The following ATRNL1 variants were observed in gnomAD, a reference collection of about 807,000 sequenced individuals.
The protein encoded by ATRNL1 is attractin like 1, also known as attractin-like protein 1.
A neutral mutation model predicts 182.7 loss-of-function variants in ATRNL1; 95 were observed. That is an observed-to-expected ratio of 0.52 (90% confidence interval 0.44 to 0.62). The LOEUF is 0.62. ATRNL1 is among the 20% of genes least tolerant of loss of function. The probability of loss-of-function intolerance (pLI) is 0.00; values close to 1 mark genes in which losing one functional copy is unlikely to be tolerated. For synonymous variants in ATRNL1, 576 were observed against 568.3 expected (o/e 1.01, Z -0.19); for missense variants, 1,471 against 1,679.5 (o/e 0.88, Z 2.17).
intron 26 of ATRNL1, among the ~76,000 whole-genome samples, chr10:115,697,006 A>G (rs1049256996): frequency 2.6e-5 from 4 of 151,948 alleles, no homozygotes; most frequent in Non-Finnish European, 4.4e-5. Flanking sequence ...CCATGATCCA[A>G]TCACCTCCCA....
intron 19 of ATRNL1, among the ~76,000 whole-genome samples, chr10:115,360,248 GAAT>G (rs1190442969): frequency 6.6e-6 from 1 of 151,622 alleles, no homozygotes; most frequent in Non-Finnish European, 1.5e-5. Flanking sequence ...CAAGTCAAAA[GAAT>G]AAAAATGCAT....
chr10:115,597,193 T>C (rs1326765417), intron 26 of ATRNL1, among the ~76,000 whole-genome samples: 4 of 152,184 alleles, frequency 2.6e-5, no homozygotes, highest in Non-Finnish European at 5.9e-5. Flanking sequence ...AATTTTTTCC[T>C]CAGTAGACGA....
intron 20 of ATRNL1, among the ~76,000 whole-genome samples, chr10:115,425,930 T>C (rs1554962787): frequency 6.6e-6 from 1 of 152,104 alleles, no homozygotes. Flanking sequence ...TCACTTCTTC[T>C]GTTTATTAAG....
chr10:115,148,707 G>C (rs997492175), intron 5 of ATRNL1, among the ~76,000 whole-genome samples: 17 of 150,912 alleles, frequency 1.1e-4, no homozygotes, highest in African/African-American at 3.4e-4. Context: ...AGAGAGAGTG[G>C]TGTTCCGAAT....
intron 1 of ATRNL1, among the ~76,000 whole-genome samples, chr10:115,098,968 AT>A (rs782062588): frequency 4.6e-5 from 7 of 152,252 alleles, no homozygotes; most frequent in Non-Finnish European, 1.0e-4. Flanking sequence ...TATTTAAATT[AT>A]ACAATTTGAT....
intron 27 of ATRNL1, among the ~76,000 whole-genome samples, chr10:115,793,326 A>G (rs1555082176): frequency 6.6e-6 from 1 of 152,088 alleles, no homozygotes; most frequent in Non-Finnish European, 1.5e-5. Flanking sequence ...GAAGAATTTT[A>G]TGTAGTCTCT....
intron 19 of ATRNL1, among the ~76,000 whole-genome samples, chr10:115,375,458 G>A (rs1857621259): frequency 6.6e-6 from 1 of 151,964 alleles, no homozygotes; most frequent in Non-Finnish European, 1.5e-5. Context: ...TTTAATCCAT[G>A]TAAGTTTAAA....
chr10:115,682,931 C>T (rs943912909), intron 26 of ATRNL1, among the ~76,000 whole-genome samples: 1 of 152,150 alleles, frequency 6.6e-6, no homozygotes, highest in Non-Finnish European at 1.5e-5. Flanking sequence ...AATTCTGGTT[C>T]TGCCTTTTCT....
chr10:115,899,886 A>AG, intron 28 of ATRNL1, among the ~76,000 whole-genome samples: 1 of 152,310 alleles, frequency 6.6e-6, no homozygotes, highest in Admixed American at 6.5e-5. Flanking sequence ...CACCAGAATA[A>AG]TTTTTCACCC....
intron 25 of ATRNL1, among the ~76,000 whole-genome samples, chr10:115,536,230 C>T (rs1554990251): frequency 6.6e-6 from 1 of 152,170 alleles, no homozygotes; most frequent in African/African-American, 2.4e-5. Flanking sequence ...CCTACAGAGA[C>T]AGGCAGACCT....
At chr10:115,161,485 T>G (rs1189467944) in intron 6 of ATRNL1, among the ~76,000 whole-genome samples, 1 of 151,868 alleles carries the variant, frequency 6.6e-6, no homozygotes, top group African/African-American at 2.4e-5. Flanking sequence ...TCTATGAAAG[T>G]AGAGTCGAAC....
intron 19 of ATRNL1, among the ~76,000 whole-genome samples, chr10:115,377,151 T>C (rs1857719890): frequency 6.6e-6 from 1 of 152,228 alleles, no homozygotes; most frequent in African/African-American, 2.4e-5. Context: ...GGTTTGGCTG[T>C]GTCCCTACCC....
At chr10:115,911,872 C>T (rs574137528) in intron 28 of ATRNL1, among the ~76,000 whole-genome samples, 117 of 152,286 alleles carry the variant, frequency 7.7e-4, no homozygotes, top group African/African-American at 2.6e-3. Flanking sequence ...TGCACCATCC[C>T]GTGTTTCTCC....
intron 26 of ATRNL1, among the ~76,000 whole-genome samples, chr10:115,611,935 G>A (rs1555019112): frequency 6.6e-6 from 1 of 152,022 alleles, no homozygotes; most frequent in Non-Finnish European, 1.5e-5. Context: ...AAATTATGAG[G>A]AAGGGGGAAT....
At chr10:115,906,322 T>C (rs1367188606) in intron 28 of ATRNL1, among the ~76,000 whole-genome samples, 1 of 152,226 alleles carries the variant, frequency 6.6e-6, no homozygotes, top group Non-Finnish European at 1.5e-5. Context: ...GAATTTGATC[T>C]GGATTCAGAT....
chr10:115,418,999 A>G (rs1554961399), intron 20 of ATRNL1, among the ~76,000 whole-genome samples: 1 of 152,212 alleles, frequency 6.6e-6, no homozygotes, highest in Non-Finnish European at 1.5e-5. Context: ...TTAGGCTAAT[A>G]CTGTAATTTT....
rs1852977707 is a variant in ATRNL1 at position 115,292,712 on chromosome 10, G to A, written c.2415+6315G>A. Among the ~76,000 whole-genome samples the A allele has an allele frequency of 2.0e-5, 3 of 151,862 alleles. No homozygotes were observed. The South Asian group carries it at 6.2e-4, about 32-fold the overall frequency. On this transcript the variant is annotated intron_variant, in intron 15 of 28. Coordinates refer to ENST00000355044, the MANE Select transcript of ATRNL1 (RefSeq NM_207303.4). ...TAATGTCTAGTTTTATTCCATTGTG[G>A]TCATGTAAGATAGTTGGTATGATTT...
intron 19 of ATRNL1, among the ~76,000 whole-genome samples, chr10:115,392,937 A>G (rs117239325): frequency 0.013 from 2,034 of 152,236 alleles, 118 homozygotes; most frequent in Admixed American, 0.1. Flanking sequence ...AACTGTTTCT[A>G]TTTGTCCTTC....
chr10:115,717,585 T>A (rs1947295612), intron 26 of ATRNL1, among the ~76,000 whole-genome samples: 1 of 120,416 alleles, frequency 8.3e-6, no homozygotes, highest in Non-Finnish European at 1.7e-5. Context: ...GGAGTCTCGC[T>A]CTGTCACCTG....
Sources: allele counts gnomAD v4.1 joint callset (sites outside exome capture counted in the v4.1 genomes callset), GRCh38; gene constraint gnomAD v4.1.1; transcripts MANE v1.5; gene names NCBI Gene and HGNC (gene_info 2026-07-23, HGNC 2026-07-21).